The following ANKS1B variants were observed in gnomAD, a reference collection of about 807,000 sequenced individuals.
The protein encoded by ANKS1B is ankyrin repeat and sterile alpha motif domain containing 1B.
Under a neutral mutation model 148.3 loss-of-function variants are expected in ANKS1B, and 36 were observed. That is an observed-to-expected ratio of 0.24 (90% CI 0.19 to 0.32). ANKS1B has a LOEUF of 0.32. Among genes scored for constraint, ANKS1B ranks in the 10% least tolerant of loss-of-function variants. The probability of loss-of-function intolerance (pLI) is 1.00; values close to 1 mark genes in which losing one functional copy is unlikely to be tolerated. For synonymous variants in ANKS1B, 542 were observed against 560.8 expected (o/e 0.97, Z 0.47); for missense variants, 1,157 against 1,542.6 (o/e 0.75, Z 4.19).
At chr12:99,033,717 G>C (rs1209862071) in intron 17 of ANKS1B, among the ~76,000 whole-genome samples, 2 of 152,012 alleles carry the variant, frequency 1.3e-5, no homozygotes, top group Non-Finnish European at 2.9e-5. Context: ...CTGCACTCAG[G>C]TGCGTGTGTG....
At chr12:99,340,648 G>A (rs544356152) in intron 12 of ANKS1B, among the ~76,000 whole-genome samples, 2 of 151,936 alleles carry the variant, frequency 1.3e-5, no homozygotes, top group African/African-American at 2.4e-5. Flanking sequence ...CAGATATCAG[G>A]TTTCTAGATA....
intron 16 of ANKS1B, among the ~76,000 whole-genome samples, chr12:99,057,357 A>C (rs2040561025): frequency 6.6e-6 from 1 of 152,196 alleles, no homozygotes; most frequent in Non-Finnish European, 1.5e-5. Context: ...ATTGCCCTAA[A>C]TTAGACCCAT....
At chr12:98,810,708 A>T (rs1391827653) in intron 19 of ANKS1B, among the ~76,000 whole-genome samples, 1 of 152,252 alleles carries the variant, frequency 6.6e-6, no homozygotes, top group African/African-American at 2.4e-5. Flanking sequence ...GGTTACTCCC[A>T]AAGGGGCCAT....
chr12:99,951,530 T>G (rs777745754), intron 1 of ANKS1B, among the ~76,000 whole-genome samples: 37 of 152,236 alleles, frequency 2.4e-4, no homozygotes, highest in Non-Finnish European at 5.0e-4. Context: ...TTTTTGGTGT[T>G]GACTAGACCT....
chr12:98,880,957 G>C (rs2099706245), intron 17 of ANKS1B, among the ~76,000 whole-genome samples: 1 of 151,828 alleles, frequency 6.6e-6, no homozygotes, highest in South Asian at 2.1e-4. Flanking sequence ...AAAAAATTTT[G>C]AATGGCAAAC....
chr12:98,819,909 C>T (rs1477816591), intron 19 of ANKS1B, among the ~76,000 whole-genome samples: 7 of 152,136 alleles, frequency 4.6e-5, no homozygotes, highest in Admixed American at 4.6e-4. Flanking sequence ...GAGGTCATAT[C>T]ATTTCACAAT....
At chr12:99,000,250 CTTTTCT>C (rs1046986045) in intron 17 of ANKS1B, among the ~76,000 whole-genome samples, 5 of 142,076 alleles carry the variant, frequency 3.5e-5, no homozygotes, top group East Asian at 2.1e-4. Flanking sequence ...GCCTTCTTTT[CTTTTCT>C]TTTTCTTTTT....
At chr12:99,344,992 CTATT>C (rs1159067643) in intron 12 of ANKS1B, 1 of 152,046 alleles carries the variant, frequency 6.6e-6, no homozygotes, top group East Asian at 1.9e-4. Flanking sequence ...ACAGATGAAA[CTATT>C]TATTTTGACA....
At chr12:99,507,095 GA>G (rs767445837) in intron 9 of ANKS1B, among the ~76,000 whole-genome samples, 9 of 151,934 alleles carry the variant, frequency 5.9e-5, no homozygotes, top group Non-Finnish European at 1.0e-4. Context: ...TTATGGAAAT[GA>G]TTTTTTTTCA....
intron 12 of ANKS1B, among the ~76,000 whole-genome samples, chr12:99,349,018 A>C (rs1319733279): frequency 6.6e-6 from 1 of 151,970 alleles, no homozygotes; most frequent in Admixed American, 6.6e-5. Flanking sequence ...AAAACATGGA[A>C]TTTGTGACAA....
At chr12:99,532,462 G>A (rs2097008301) in intron 9 of ANKS1B, among the ~76,000 whole-genome samples, 1 of 152,136 alleles carries the variant, frequency 6.6e-6, no homozygotes, top group Non-Finnish European at 1.5e-5. Flanking sequence ...CCAGGTTCAC[G>A]CCATTCTCCT....
At chr12:99,445,858 A>G (rs1247258658) in intron 10 of ANKS1B, among the ~76,000 whole-genome samples, 1 of 151,854 alleles carries the variant, frequency 6.6e-6, no homozygotes, top group Non-Finnish European at 1.5e-5. Context: ...AGTATCTGGG[A>G]CTACAGGTGC....
chr12:98,840,956 G>A (rs1051174033), intron 17 of ANKS1B, among the ~76,000 whole-genome samples: 1 of 152,130 alleles, frequency 6.6e-6, no homozygotes, highest in African/African-American at 2.4e-5. Context: ...CAGATCTGAA[G>A]TTATTCTTGG....
chr12:99,610,730 A>G (rs913810758), intron 9 of ANKS1B, among the ~76,000 whole-genome samples: 3 of 152,150 alleles, frequency 2.0e-5, no homozygotes, highest in Non-Finnish European at 4.4e-5. Context: ...TCCTAATTTG[A>G]AAAGTTAATT....
At chr12:99,400,288 T>C (rs2094368194) in intron 11 of ANKS1B, among the ~76,000 whole-genome samples, 1 of 139,494 alleles carries the variant, frequency 7.2e-6, no homozygotes, top group African/African-American at 2.8e-5. Flanking sequence ...GCATTAGATA[T>C]TGTTCCCAAG....
chr12:99,585,335 A>G (rs947821880), intron 9 of ANKS1B, among the ~76,000 whole-genome samples: 2 of 152,182 alleles, frequency 1.3e-5, no homozygotes, highest in African/African-American at 4.8e-5. Flanking sequence ...CATCCAGGGT[A>G]CACTGATGTA....
At chr12:99,718,844 C>A (rs1361983784) in intron 8 of ANKS1B, among the ~76,000 whole-genome samples, 1 of 152,190 alleles carries the variant, frequency 6.6e-6, no homozygotes, top group Non-Finnish European at 1.5e-5. Flanking sequence ...CAGCAAATTA[C>A]CTGGGCTGTA....
chr12:99,465,695 C>A (rs577624614), intron 10 of ANKS1B, among the ~76,000 whole-genome samples: 9 of 152,184 alleles, frequency 5.9e-5, no homozygotes, highest in South Asian at 2.1e-4. Context: ...AGAGACAAAG[C>A]AGGCCATTAT....
intron 12 of ANKS1B, among the ~76,000 whole-genome samples, chr12:99,271,535 C>T (rs1317647240): frequency 2.6e-5 from 4 of 150,970 alleles, no homozygotes; most frequent in Non-Finnish European, 4.4e-5. Flanking sequence ...TGAATAGGTG[C>T]TCAGTTAAAA....
Sources: allele counts gnomAD v4.1 joint callset (sites outside exome capture counted in the v4.1 genomes callset), GRCh38; gene constraint gnomAD v4.1.1; transcripts MANE v1.5; gene names NCBI Gene and HGNC (gene_info 2026-07-23, HGNC 2026-07-21).